Variants in GPR137C observed in about 807,000 individuals in gnomAD.
The protein encoded by GPR137C is integral membrane protein GPR137C.
A neutral mutation model predicts 43.4 loss-of-function variants in GPR137C; 27 were observed. The observed-to-expected ratio is 0.62, with a 90% CI of 0.46 to 0.86. GPR137C has a LOEUF of 0.86. Among genes scored for constraint, GPR137C ranks in the 40% least tolerant of loss-of-function variants. The pLI is 0.00. For missense variants in GPR137C, 522 were observed against 534.6 expected (o/e 0.98, Z 0.23); for synonymous variants, 285 against 226.9 (o/e 1.26, Z -2.30).
chr14:52,575,720 C>T (rs2038540219), intron 1 of GPR137C, among the ~76,000 whole-genome samples: 1 of 152,162 alleles, frequency 6.6e-6, no homozygotes, highest in African/African-American at 2.4e-5. Context: ...AAACCAGGAT[C>T]CCTATGAGCC....
At chr14:52,580,554 G>C (rs2038628429) in intron 1 of GPR137C, among the ~76,000 whole-genome samples, 1 of 151,864 alleles carries the variant, frequency 6.6e-6, no homozygotes, top group South Asian at 2.1e-4. Context: ...AGTAGAGATA[G>C]GGTTTCACCA....
intron 1 of GPR137C, among the ~76,000 whole-genome samples, chr14:52,592,311 G>T (rs371061285): frequency 6.6e-6 from 1 of 152,216 alleles, no homozygotes; most frequent in East Asian, 1.9e-4. Context: ...TCTTGGCTAT[G>T]GGGGCTCTTT....
chr14:52,592,648 A>G (rs1375814534), intron 1 of GPR137C, among the ~76,000 whole-genome samples: 3 of 152,178 alleles, frequency 2.0e-5, no homozygotes, highest in East Asian at 1.9e-4. Context: ...TTATTGGTGT[A>G]TAGGAATGCT....
intron 3 of GPR137C, among the ~76,000 whole-genome samples, chr14:52,606,362 T>C (rs753112714): frequency 3.9e-5 from 6 of 152,176 alleles, no homozygotes; most frequent in Non-Finnish European, 7.4e-5. Context: ...CTTGTATTTC[T>C]GTGGTATCTG....
Position 52,632,238 on chromosome 14 carries a change from G to A in GPR137C, c.796G>A (p.Val266Met), listed in dbSNP as rs1380696076. The A allele has an allele frequency of 6.2e-7, 1 of 1,609,934 alleles. No homozygotes were observed. The highest frequency in any genetic ancestry group is 8.5e-7 in the Non-Finnish European group (1 of 1,176,360). The change falls in exon 4 of 7, where the codon GTG (valine) becomes ATG (methionine). Residue 266 changes from valine to methionine, a missense_variant. Val to Met is a conservative substitution (Grantham distance 21, BLOSUM62 1). This residue lies in a region of GPR137C where 437 missense variants were observed against 425.7 expected (regional missense o/e 1.03). Coordinates refer to ENST00000321662, the MANE Select transcript of GPR137C (RefSeq NM_001099652.2). ...LYSSRACYNL[V>M]VVTISQDTLE... ...CTCTTCCAGAGCTTGTTATAATTTG[G>A]TGGTGGTCACCATATCTCAGGATAC... is the stretch of plus-strand genomic sequence containing the variant.
At chr14:52,560,329 T>C (rs2038261561) in intron 1 of GPR137C, among the ~76,000 whole-genome samples, 1 of 152,230 alleles carries the variant, frequency 6.6e-6, no homozygotes, top group Non-Finnish European at 1.5e-5. Flanking sequence ...TAAGGTGTTA[T>C]TTCTCCCTTA....
At chr14:52,604,725 G>A (rs1226495017) in intron 3 of GPR137C, among the ~76,000 whole-genome samples, 1 of 152,172 alleles carries the variant, frequency 6.6e-6, no homozygotes, top group Non-Finnish European at 1.5e-5. Context: ...CAGGATTACA[G>A]GCATGAGCCA....
At position 52,600,735 on chromosome 14, in the gene GPR137C, A is replaced by G. The variant is rs948345836; in HGVS notation, c.717+394A>G. Among the ~76,000 whole-genome samples, 5 of 152,366 alleles carry G rather than the reference A, an allele frequency of 3.3e-5. No homozygotes were observed. The East Asian group carries it at 9.6e-4, about 29-fold the overall frequency. The stretch of plus-strand genomic sequence containing the variant: ...GAAAAGAAGAAAGAATATACTAAGC[A>G]TGTTGTATTTTCTGTGATTCTGCAT... On this transcript the variant is annotated intron_variant, in intron 3 of 6. Transcript: ENST00000321662.
At chr14:52,596,339 C>A (rs1009631293) in intron 1 of GPR137C, among the ~76,000 whole-genome samples, 4 of 152,208 alleles carry the variant, frequency 2.6e-5, no homozygotes, top group Non-Finnish European at 5.9e-5. Context: ...CTGGGAGAAT[C>A]ACTGCTCTCT....
intron 3 of GPR137C, among the ~76,000 whole-genome samples, chr14:52,615,684 G>A (rs568447349): frequency 4.8e-4 from 73 of 151,928 alleles, no homozygotes; most frequent in Non-Finnish European, 8.2e-4. Flanking sequence ...TCACTTCTTC[G>A]GTTGACTTAA....
At chr14:52,618,276 A>T (rs2039122038) in intron 3 of GPR137C, among the ~76,000 whole-genome samples, 1 of 152,200 alleles carries the variant, frequency 6.6e-6, no homozygotes, top group Non-Finnish European at 1.5e-5. Context: ...CAAATATGAA[A>T]TAGCCTTTTT....
At chr14:52,584,992 T>A (rs962612995) in intron 1 of GPR137C, among the ~76,000 whole-genome samples, 2 of 152,318 alleles carry the variant, frequency 1.3e-5, no homozygotes, top group East Asian at 3.9e-4. Context: ...AACTGGACCT[T>A]GCTGTTTCTC....
At chr14:52,560,965 A>G (rs1184909285) in intron 1 of GPR137C, among the ~76,000 whole-genome samples, 1 of 152,240 alleles carries the variant, frequency 6.6e-6, no homozygotes, top group African/African-American at 2.4e-5. Context: ...TGTATCTGGC[A>G]AAGTACGTTT....
intron 3 of GPR137C, among the ~76,000 whole-genome samples, chr14:52,607,385 G>A (rs1375158645): frequency 6.6e-6 from 1 of 152,086 alleles, no homozygotes; most frequent in East Asian, 1.9e-4. Context: ...TAAAAGTGAG[G>A]TGTTGAAGTC....
chr14:52,594,858 A>G (rs966409653), intron 1 of GPR137C, among the ~76,000 whole-genome samples: 2 of 152,158 alleles, frequency 1.3e-5, no homozygotes, highest in African/African-American at 4.8e-5. Context: ...TGATCCTGTC[A>G]TTATGATGTT....
intron 1 of GPR137C, among the ~76,000 whole-genome samples, chr14:52,577,969 AAAAG>A (rs1168413780): frequency 6.6e-6 from 1 of 152,134 alleles, no homozygotes; most frequent in Non-Finnish European, 1.5e-5. Context: ...TGTCTCAAAA[AAAAG>A]CAATAAAGGT....
chr14:52,609,998 C>T (rs558288445), intron 3 of GPR137C, among the ~76,000 whole-genome samples: 3 of 152,174 alleles, frequency 2.0e-5, no homozygotes, highest in South Asian at 4.1e-4. Context: ...TTTATTCCAG[C>T]CATATAGACT....
At chr14:52,555,358 A>T (rs1334480611) in intron 1 of GPR137C, among the ~76,000 whole-genome samples, 1 of 152,136 alleles carries the variant, frequency 6.6e-6, no homozygotes, top group Non-Finnish European at 1.5e-5. Context: ...ACCTAGATGA[A>T]ATTTTATATC....
chr14:52,577,889 T>C (rs1166754365), intron 1 of GPR137C, among the ~76,000 whole-genome samples: 1 of 151,586 alleles, frequency 6.6e-6, no homozygotes, highest in Admixed American at 6.6e-5. Context: ...CGCTTGAGCC[T>C]GGGAGGCAGA....
Sources: gnomAD v4.1 joint callset for allele counts (sites outside exome capture counted in the v4.1 genomes callset) on GRCh38, gnomAD v4.1.1 for gene constraint, gnomAD v4.1.1 regional missense constraint, MANE v1.5 for transcripts, NCBI Gene and HGNC (gene_info 2026-07-23, HGNC 2026-07-21) for gene names.